The following ZNF283 variants were observed in gnomAD, a reference collection of about 807,000 sequenced individuals.
ZNF283 encodes the protein zinc finger protein 283.
A neutral mutation model predicts 9.2 loss-of-function variants in ZNF283; 10 were observed. The observed-to-expected ratio is 1.09, with a 90% CI of 0.67 to 1.85. The LOEUF (loss-of-function observed/expected upper bound fraction) is 1.85. Among genes scored for constraint, ZNF283 ranks in the 40% most tolerant of loss-of-function variants. ZNF283 has a pLI of 0.00. For missense variants in ZNF283, 631 were observed against 760.1 expected (o/e 0.83, Z 2.00); for synonymous variants, 234 against 244.1 (o/e 0.96, Z 0.38).
intron 6 of ZNF283, chr19:43,837,391 C>G: frequency 2.3e-6 from 1 of 439,664 alleles, no homozygotes; most frequent in Non-Finnish European, 4.0e-6. Flanking sequence ...TTCTCGGGCC[C>G]TCCCTGCAAT....
rs1249674839 is a variant in ZNF283, at chr19:43,847,333, T to C, written c.732T>C (p.Tyr244=). ...AATGTAAAGAATGTGGGAAGAATTA[T>C]TTAAGTGCCTATCAACTCAATGTGC... ...HFECKECGKN[Y]LSAYQLNVHQ... Residue 244 remains tyrosine, a synonymous_variant, in exon 7 of 7, where the codon TAT becomes TAC. Coordinates refer to ENST00000618787, the MANE Select transcript of ZNF283 (RefSeq NM_181845.2). The C allele has an allele frequency of 6.8e-6, 11 of 1,613,902 alleles. No homozygotes were observed. The highest frequency in any genetic ancestry group is 9.3e-6 in the Non-Finnish European group (11 of 1,179,942).
chr19:43,834,301 A>C (rs535192371), intron 4 of ZNF283, among the ~76,000 whole-genome samples: 1 of 151,944 alleles, frequency 6.6e-6, no homozygotes, highest in South Asian at 2.1e-4. Flanking sequence ...TCAAAAAATG[A>C]AAAAAAAGGA....
chr19:43,835,533 C>A lies in ZNF283; in HGVS notation c.151C>A (p.Pro51Thr). 3 of 1,611,310 alleles carry A rather than the reference C, an allele frequency of 1.9e-6. No individual in the cohort carries two copies. The highest frequency in any genetic ancestry group is 2.5e-6 in the Non-Finnish European group (3 of 1,178,662). Residue 51 changes from proline to threonine, a missense_variant, in exon 5 of 7, where the codon CCA becomes ACA. Physicochemically the swap from Pro to Thr is conservative, Grantham distance 38 (BLOSUM62 -1). Transcript: ENST00000618787. ...TGGCTTTTCTGGATTCTGTGCTTCACCAATAGAGGAATCCCATGGAGCATT... is the reference window on the plus strand; with the variant it reads ...TGGCTTTTCTGGATTCTGTGCTTCAACAATAGAGGAATCCCATGGAGCATT... ...SSGFSGFCAS[P>T]IEESHGALIS...
chr19:43,841,434 C>CTTTTTTTTTTTTTTTT (rs557533523), intron 6 of ZNF283: 1 of 129,608 alleles, frequency 7.7e-6, no homozygotes, highest in Non-Finnish European at 1.6e-5. Flanking sequence ...CTAATTTTAT[C>CTTTTTTTTTTTTTTTT]TTTTTTTTTT....
chr19:43,835,507 C>A lies in ZNF283; in HGVS notation c.125C>A (p.Ser42Tyr), dbSNP rs567637889. ...LSLLSSWDYS[S>Y]GFSGFCASPI... The stretch of plus-strand genomic sequence containing the variant: ...AACGCTTCGTTTTCCCTCCCCAGTT[C>A]TGGCTTTTCTGGATTCTGTGCTTCA... The change falls in exon 5 of 7, where the codon TCT (serine) becomes TAT (tyrosine). Residue 42 changes from serine (S) to tyrosine (Y), a missense_variant and splice_region_variant. Transcript: ENST00000618787. The A allele has an allele frequency of 3.1e-6, 5 of 1,608,412 alleles. No individual in the cohort carries two copies. Among genetic ancestry groups the A allele is most frequent in the Non-Finnish European group, 4.2e-6 (5 of 1,176,910 alleles).
At position 43,848,178 on chromosome 19, in the gene ZNF283, G is replaced by T; in HGVS notation, c.1577G>T (p.Cys526Phe). Residue 526 changes from cysteine to phenylalanine, a missense_variant, in exon 7 of 7, where the codon TGT becomes TTT. Around this residue, in one of 3 missense-constraint regions of ZNF283, gnomAD observed 444 missense variants for 522.5 expected, o/e 0.85. Coordinates refer to ENST00000618787, the MANE Select transcript of ZNF283 (RefSeq NM_181845.2). ...AAGGAATGTGGGAAGGCTTTTAATTGTGGATCAAGCCTTGTTCAACATGAA... is the reference window on the plus strand; with the variant it reads ...AAGGAATGTGGGAAGGCTTTTAATTTTGGATCAAGCCTTGTTCAACATGAA... ...ECKECGKAFN[C>F]GSSLVQHERI... 1 of 1,613,896 alleles carries T rather than the reference G, an allele frequency of 6.2e-7. No homozygotes were observed. The highest frequency in any genetic ancestry group is 8.5e-7 in the Non-Finnish European group (1 of 1,179,936).
chr19:43,830,901 TAAA>T (rs367850643), intron 2 of ZNF283, among the ~76,000 whole-genome samples: 2,043 of 73,704 alleles, frequency 0.028, 54 homozygotes, highest in African/African-American at 0.12. Flanking sequence ...AGACTCCATC[TAAA>T]AAAAAAAAAA....
intron 6 of ZNF283, among the ~76,000 whole-genome samples, chr19:43,842,369 T>C (rs1971245557): frequency 6.6e-6 from 1 of 152,234 alleles, no homozygotes; most frequent in Admixed American, 6.5e-5. Flanking sequence ...AAATCTTGTG[T>C]CAAATTTTCC....
chr19:43,838,740 A>G (rs939117397), intron 6 of ZNF283, among the ~76,000 whole-genome samples: 10 of 152,286 alleles, frequency 6.6e-5, no homozygotes, highest in African/African-American at 2.2e-4. Context: ...TTGAAGCTCA[A>G]AGTGTTGGAG....
At chr19:43,836,858 G>A (rs1273266682) in intron 5 of ZNF283, among the ~76,000 whole-genome samples, 195 bp from the exon 6 acceptor site, 2 of 152,160 alleles carry the variant, frequency 1.3e-5, no homozygotes, top group East Asian at 3.9e-4. Context: ...GCTATAACAA[G>A]ATTCTCGTAG....
chr19:43,846,904 G>T (rs1971420207), intron 6 of ZNF283, 35 bp from the exon 7 acceptor site: 1 of 1,337,280 alleles, frequency 7.5e-7, no homozygotes. Flanking sequence ...CCTAGTGAAG[G>T]AAATAAAATG....
At chr19:43,836,962 CCT>C (rs1971006762) in intron 5 of ZNF283, 89 bp from the exon 6 acceptor site, 2 of 1,398,838 alleles carry the variant, frequency 1.4e-6, no homozygotes, top group African/African-American at 2.9e-5. Context: ...TATTTCTCCC[CCT>C]CTTTGTAGTT....
At chr19:43,845,886 T>C (rs2146579457) in intron 6 of ZNF283, among the ~76,000 whole-genome samples, 1 of 152,242 alleles carries the variant, frequency 6.6e-6, no homozygotes, top group Middle Eastern at 3.4e-3. Context: ...TAAAGCTTTA[T>C]TTTCAATTTT....
chr19:43,836,091 G>A (rs1255086502), intron 5 of ZNF283, among the ~76,000 whole-genome samples: 4 of 152,194 alleles, frequency 2.6e-5, no homozygotes, highest in African/African-American at 4.8e-5. Context: ...ATATTTCCAC[G>A]ATCAAGAAAA....
At position 43,847,068 on chromosome 19, in the gene ZNF283, A is replaced by G. The variant is rs937579909; in HGVS notation, c.467A>G (p.Asn156Ser). Residue 156 changes from asparagine to serine, a missense_variant, in exon 7 of 7, where the codon AAT (asparagine) becomes AGT (serine). By Grantham distance (46) the Asn-to-Ser change is conservative (BLOSUM62 1). Transcript: ENST00000618787. ...TLGLEASIFR[N>S]NWKCKSIFEG... ...GGCCTTGAGGCATCCATCTTCAGAA[A>G]TAATTGGAAGTGCAAAAGCATATTC... 6.2e-7 allele frequency: 1 copy of G among 1,612,930 alleles called. No homozygotes were observed. Among genetic ancestry groups the G allele is most frequent in the African/African-American group, 1.3e-5 (1 of 74,922 alleles).
rs775080442 is a variant in ZNF283, at chr19:43,848,597, A to T, written c.1996A>T (p.Thr666Ser). 2.5e-6 allele frequency: 4 copies of T among 1,579,228 alleles called. No individual in the cohort carries two copies. In the African/African-American group the frequency reaches 5.5e-5, roughly 22 times the overall value. The stretch of plus-strand genomic sequence containing the variant: ...CGAATGTGGGGAAGCCTTTCTGTGG[A>T]CAACTTACTCAAATGAGAAAATTGA... ...YNECGEAFLW[T>S]TYSNEKIDTD... Residue 666 changes from threonine (T) to serine (S), a missense_variant, in exon 7 of 7, where the codon ACA becomes TCA. Physicochemically the swap from Thr to Ser is moderately conservative, Grantham distance 58. Transcript: ENST00000618787.
intron 6 of ZNF283, among the ~76,000 whole-genome samples, chr19:43,844,591 T>C (rs1971335162): frequency 6.6e-6 from 1 of 152,200 alleles, no homozygotes; most frequent in South Asian, 2.1e-4. Flanking sequence ...AAGACATTGT[T>C]AAATGAAACA....
At chr19:43,834,387 A>G (rs1192582218) in intron 4 of ZNF283, among the ~76,000 whole-genome samples, 1 of 151,878 alleles carries the variant, frequency 6.6e-6, no homozygotes, top group Non-Finnish European at 1.5e-5. Context: ...TATTCCATTA[A>G]TATATACATG....
Position 43,837,131 on chromosome 19 carries a change from T to G in ZNF283, c.289T>G (p.Leu97Val), listed in dbSNP as rs1599718750. Residue 97 changes from leucine to valine, a missense_variant, in exon 6 of 7, where the codon TTG becomes GTG. Physicochemically the swap from Leu to Val is conservative, Grantham distance 32 (BLOSUM62 1). Coordinates refer to ENST00000618787, the MANE Select transcript of ZNF283 (RefSeq NM_181845.2). Reference protein sequence around the residue: ...WECLDPAQRDLYVDVMLENYS... With the variant: ...WECLDPAQRDVYVDVMLENYS... ...ATGCCTGGACCCTGCTCAGAGGGAC[T>G]TGTACGTGGATGTAATGTTGGAGAA... 6.2e-7 allele frequency: 1 copy of G among 1,613,782 alleles called. No homozygotes were observed. The highest frequency in any genetic ancestry group is 1.3e-5 in the African/African-American group (1 of 75,022).
Sources: gnomAD v4.1 joint callset for allele counts (sites outside exome capture counted in the v4.1 genomes callset) on GRCh38, gnomAD v4.1.1 for gene constraint, gnomAD v4.1.1 regional missense constraint, MANE v1.5 for transcripts, NCBI Gene and HGNC (gene_info 2026-07-23, HGNC 2026-07-21) for gene names.